The following MEGF11 variants were observed in gnomAD, a reference collection of about 807,000 sequenced individuals.
MEGF11 encodes multiple EGF like domains 11, also known as multiple epidermal growth factor-like domains protein 11.
Under a neutral mutation model 146.6 loss-of-function variants are expected in MEGF11, and 126 were observed. The ratio of observed to expected loss-of-function variants is 0.86; its 90% confidence interval spans 0.74 to 1.00. The LOEUF is 1.00. MEGF11 is among the 50% of genes least tolerant of loss of function. The pLI, the probability that MEGF11 is intolerant of heterozygous loss-of-function variation, is 0.00. For synonymous variants in MEGF11, 532 were observed against 583.4 expected, an observed-to-expected ratio of 0.91 and a Z score of 1.27; for missense variants, 1,509 against 1,521.2, an observed-to-expected ratio of 0.99 and a Z score of 0.13.
intron 4 of MEGF11, among the ~76,000 whole-genome samples, chr15:66,112,005 A>G (rs918351615): frequency 2.0e-5 from 3 of 152,128 alleles, no homozygotes; most frequent in Admixed American, 1.3e-4. Flanking sequence ...CCCGACAAGA[A>G]AATGTAAAAC....
rs79307144 is a variant in MEGF11 at position 66,181,717 on chromosome 15, C to G, written c.-8-53306G>C. On this transcript the variant is annotated intron_variant, in intron 1 of 25. Transcript: ENST00000395614. ...GTCTACAGACCACCCTTGGGAACCACAGGCATAGACTAATTTTTCTTAATT... is the reference window on the plus strand; with the variant it reads ...GTCTACAGACCACCCTTGGGAACCAGAGGCATAGACTAATTTTTCTTAATT... Among the ~76,000 whole-genome samples the G allele has an allele frequency of 8.3e-3, 1,265 of 152,314 alleles. 14 individuals carry two copies. The highest frequency in any genetic ancestry group is 0.029 in the African/African-American group (1,188 of 41,556).
At chr15:66,080,957 C>T (rs2140538364) in intron 5 of MEGF11, among the ~76,000 whole-genome samples, 1 of 152,346 alleles carries the variant, frequency 6.6e-6, no homozygotes, top group Non-Finnish European at 1.5e-5. Flanking sequence ...TGCGGTGATT[C>T]ATCTGAAGTT....
Position 66,250,848 on chromosome 15 carries a change from C to G in MEGF11, c.-9+2757G>C, listed in dbSNP as rs542307947. On this transcript the variant is annotated intron_variant, in intron 1 of 25. Transcript: ENST00000395614. ...CTTGAACCCAGAAGGCGGAGGTTGCCGTGAGCCAAGATCATGCCACTGTAC... is the reference window on the plus strand; with the variant it reads ...CTTGAACCCAGAAGGCGGAGGTTGCGGTGAGCCAAGATCATGCCACTGTAC... 2.0e-5 allele frequency among the ~76,000 whole-genome samples: 3 copies of G among 150,128 alleles called. No individual in the cohort carries two copies. In the South Asian group the frequency reaches 6.3e-4, roughly 32 times the overall value.
rs1434259670 is a variant in MEGF11 at position 66,141,281 on chromosome 15, TGTGTGTGTGA to T, written c.-8-12880_-8-12871del. ...GTGTGTGTGTGTGTGTGTGTGTGTG[TGTGTGTGTGA>T]GAGAGAGAGAGAGAGAGACAGGGAT... On this transcript the variant is annotated intron_variant, in intron 1 of 25. Transcript: ENST00000395614. 3.6e-3 allele frequency among the ~76,000 whole-genome samples: 348 copies of T among 97,624 alleles called. 2 individuals carry two copies. Among genetic ancestry groups the T allele is most frequent in the African/African-American group, 0.012 (330 of 28,632 alleles). 64.0% of individuals were successfully genotyped at this position (97,624 alleles called of 152,430 possible). A position where few individuals can be genotyped will look rare whatever the true frequency, so the allele number is the denominator to read the frequency against.
At chr15:65,916,488 G>A in intron 17 of MEGF11, 1 of 688,234 alleles carries the variant, frequency 1.5e-6, no homozygotes, top group Non-Finnish European at 2.4e-6. Context: ...GAGGGGCCTT[G>A]GAACCACAGG....
At chr15:66,143,684 G>T (rs1369610301) in intron 1 of MEGF11, among the ~76,000 whole-genome samples, 2 of 152,216 alleles carry the variant, frequency 1.3e-5, no homozygotes, top group African/African-American at 4.8e-5. Context: ...GGAAGTCACA[G>T]CCTGATCCTA....
chr15:66,007,569 G>C (rs1567199294), intron 5 of MEGF11, among the ~76,000 whole-genome samples: 1 of 152,258 alleles, frequency 6.6e-6, no homozygotes, highest in East Asian at 1.9e-4. Context: ...AGGAAACATG[G>C]AAAAACCTTA....
intron 1 of MEGF11, among the ~76,000 whole-genome samples, chr15:66,155,129 G>C (rs1270713284): frequency 6.6e-6 from 1 of 152,262 alleles, no homozygotes; most frequent in Non-Finnish European, 1.5e-5. Context: ...TTTATGAGCA[G>C]GTCCTGAATG....
chr15:65,927,329 C>G (rs570501600), intron 13 of MEGF11, among the ~76,000 whole-genome samples: 1 of 152,190 alleles, frequency 6.6e-6, no homozygotes, highest in African/African-American at 2.4e-5. Flanking sequence ...GGTCATAAAC[C>G]CCAGCAGTCT....
chr15:66,107,110 G>A (rs2087128601), intron 4 of MEGF11, among the ~76,000 whole-genome samples: 1 of 151,914 alleles, frequency 6.6e-6, no homozygotes, highest in South Asian at 2.1e-4. Context: ...CTGCAACGAG[G>A]GACCCTGCTC....
chr15:66,091,424 T>C (rs1342630606), intron 5 of MEGF11, among the ~76,000 whole-genome samples: 2 of 152,204 alleles, frequency 1.3e-5, no homozygotes, highest in Non-Finnish European at 2.9e-5. Context: ...ATTTCAACCT[T>C]GGACTATATT....
At chr15:66,244,486 G>A (rs536405067) in intron 1 of MEGF11, among the ~76,000 whole-genome samples, 2 of 152,258 alleles carry the variant, frequency 1.3e-5, no homozygotes, top group Non-Finnish European at 2.9e-5. Flanking sequence ...GGGAGAACAG[G>A]CACCCAAAGG....
chr15:66,077,597 C>T (rs2085646694), intron 5 of MEGF11, among the ~76,000 whole-genome samples: 1 of 152,240 alleles, frequency 6.6e-6, no homozygotes, highest in African/African-American at 2.4e-5. Flanking sequence ...CCATGTAACA[C>T]TGCTTAGTAC....
intron 1 of MEGF11, among the ~76,000 whole-genome samples, chr15:66,249,407 C>T (rs1231402773): frequency 6.6e-6 from 1 of 152,180 alleles, no homozygotes. Context: ...GTGGATGACA[C>T]CTTTTCAATT....
At chr15:65,907,022 T>C (rs2078649842) in intron 23 of MEGF11, among the ~76,000 whole-genome samples, 1 of 152,200 alleles carries the variant, frequency 6.6e-6, no homozygotes, top group African/African-American at 2.4e-5. Context: ...GTAATGACTC[T>C]GGCTCAAAGT....
chr15:65,922,953 GCT>G lies in MEGF11; in HGVS notation c.1690_1691del (p.Ser564HisfsTer18). The G allele has an allele frequency of 6.2e-7, 1 of 1,612,866 alleles. No homozygotes were observed. Among genetic ancestry groups the G allele is most frequent in the Non-Finnish European group, 8.5e-7 (1 of 1,179,630 alleles). On this transcript the variant is annotated frameshift_variant, in exon 14 of 26. Coordinates refer to ENST00000395614, the MANE Select transcript of MEGF11 (RefSeq NM_001385028.1). LOFTEE classifies it high-confidence loss of function. ...GGCCCCAGCGGCCAGGTGGACACGT[GCT>G]GTCACAGCGGATGCCTGTGGGCCAG... ...LAGWTGIRCD[S>X]TCPPGRWGPN...
chr15:66,204,034 G>A (rs1420973587), intron 1 of MEGF11, among the ~76,000 whole-genome samples: 1 of 151,994 alleles, frequency 6.6e-6, no homozygotes, highest in African/African-American at 2.4e-5. Context: ...CTTGAGCCCA[G>A]GTGTTTGAGA....
chr15:66,157,707 T>C (rs760888483), intron 1 of MEGF11, among the ~76,000 whole-genome samples: 4 of 152,352 alleles, frequency 2.6e-5, no homozygotes, highest in Non-Finnish European at 5.9e-5. Context: ...ATTTATAATA[T>C]GAAGCAAAGG....
chr15:65,962,672 G>A (rs1218363918), intron 9 of MEGF11, among the ~76,000 whole-genome samples: 1 of 152,186 alleles, frequency 6.6e-6, no homozygotes, highest in Non-Finnish European at 1.5e-5. Context: ...GGGATGGGCT[G>A]TTTAAGATGA....
Sources: allele counts gnomAD v4.1 joint callset (sites outside exome capture counted in the v4.1 genomes callset), GRCh38; gene constraint gnomAD v4.1.1; transcripts MANE v1.5; gene names NCBI Gene and HGNC (gene_info 2026-07-23, HGNC 2026-07-21).